Variants in SENP3 observed in about 807,000 individuals in gnomAD.
The protein encoded by SENP3 is sentrin-specific protease 3.
SENP3 carries 11 observed loss-of-function variants against 66.2 expected under a neutral mutation model. The observed-to-expected ratio is 0.17, with a 90% CI of 0.10 to 0.28. The LOEUF (loss-of-function observed/expected upper bound fraction) is 0.28, where lower values mean the gene tolerates loss of function less well. SENP3 is among the 10% of genes least tolerant of loss of function. The pLI, the probability that SENP3 is intolerant of heterozygous loss-of-function variation, is 1.00. For missense variants in SENP3, 548 were observed against 743.7 expected (o/e 0.74, Z 3.06); for synonymous variants, 292 against 277.6 (o/e 1.05, Z -0.52).
intron 4 of SENP3, 42 bp downstream of exon 4, chr17:7,565,112 T>C: frequency 7.1e-7 from 1 of 1,408,974 alleles, no homozygotes; most frequent in Non-Finnish European, 1.0e-6. Context: ...GCTGGGGCCT[T>C]GGGGATGTGG....
rs754869420 is a variant in SENP3 at position 7,571,356 on chromosome 17, G to C, written c.1615-17G>C. On this transcript the variant is annotated splice_polypyrimidine_tract_variant and intron_variant, in intron 10 of 10. Coordinates refer to ENST00000321337, the MANE Select transcript of SENP3 (RefSeq NM_015670.6). Reference sequence around the variant, plus strand: ...TGACACGGGGGGTTTCTCATGGCTTGCTTTGTTAACACCCAGTACTGCAAG... The same window carrying C: ...TGACACGGGGGGTTTCTCATGGCTTCCTTTGTTAACACCCAGTACTGCAAG... The C allele has an allele frequency of 6.3e-7, 1 of 1,594,542 alleles. No homozygotes were observed. The highest frequency in any genetic ancestry group is 1.3e-5 in the African/African-American group (1 of 74,458).
chr17:7,567,703 G>C (rs925422917), intron 7 of SENP3, among the ~76,000 whole-genome samples: 1 of 152,134 alleles, frequency 6.6e-6, no homozygotes, highest in Non-Finnish European at 1.5e-5. Flanking sequence ...GAGGGCTTGT[G>C]GGGGTGACCT....
chr17:7,567,855 G>A (rs1221905363), intron 7 of SENP3, among the ~76,000 whole-genome samples: 1 of 152,166 alleles, frequency 6.6e-6, no homozygotes, highest in Non-Finnish European at 1.5e-5. Context: ...TAAGCAGGCT[G>A]AGAAGTGCCT....
rs1402345673 is a variant in SENP3, at chr17:7,563,300, G to A, written c.224G>A (p.Ser75Asn). The change falls in exon 2 of 11, where the codon AGT becomes AAT. Residue 75 changes from serine (S) to asparagine (N), a missense_variant. This residue lies in a region of SENP3 where 164 missense variants were observed against 167.9 expected (regional missense o/e 0.98). Transcript: ENST00000321337. ...VPRPSFDASA[S>N]EEEEEEEEEE... ...CGACCCTCTTTTGATGCCTCAGCAA[G>A]TGAAGAGGAGGAAGAAGAGGAGGAG... is the stretch of plus-strand genomic sequence containing the variant. The A allele has an allele frequency of 1.9e-6, 3 of 1,553,154 alleles. No homozygotes were observed. The highest frequency in any genetic ancestry group is 1.7e-4 in the Middle Eastern group (1 of 5,996).
In SENP3 at chr17:7,570,543, C is replaced by T; in HGVS notation, c.1479+50C>T. Reference sequence around the variant, plus strand: ...GGCAAAATGTGGGGCGGTGCAGTGGCAAGGCATTGCAGGAAGAAGGGTGGG... The same window carrying T: ...GGCAAAATGTGGGGCGGTGCAGTGGTAAGGCATTGCAGGAAGAAGGGTGGG... On this transcript the variant is annotated intron_variant, in intron 8 of 10. Transcript: ENST00000321337. This position sits in a 1 kb window ranked among gnomAD's most constrained non-coding sequence, Gnocchi z 5.4. The T allele has an allele frequency of 6.3e-7, 1 of 1,589,814 alleles. No individual in the cohort carries two copies.
intron 10 of SENP3, 141 bp from the exon 11 acceptor site, chr17:7,571,232 G>A (rs1381057317): frequency 1.6e-6 from 1 of 641,622 alleles, no homozygotes; most frequent in African/African-American, 1.8e-5. Context: ...TTTAGAGTCA[G>A]GCTGTTTTTG....
intron 6 of SENP3, 162 bp downstream of exon 6, chr17:7,565,926 C>A: frequency 1.6e-6 from 1 of 623,226 alleles, no homozygotes. Context: ...ATCTTGGGCT[C>A]TGGATTTATC....
In SENP3 at chr17:7,570,479, C is replaced by T. The variant is rs377210008; in HGVS notation, c.1465C>T (p.Arg489Cys). 13 of 1,612,872 alleles carry T rather than the reference C, an allele frequency of 8.1e-6. No individual in the cohort carries two copies. Among genetic ancestry groups the T allele is most frequent in the South Asian group, 5.5e-5 (5 of 91,052 alleles). The part of the protein sequence containing the change: ...TYFDSQRTLN[R>C]RCPKHIAKYL... The stretch of plus-strand genomic sequence containing the variant: ...TTTTGACTCGCAGCGTACCCTAAAC[C>T]GCCGCTGCCCTAAGGTTTGAGGGGG... The change falls in exon 8 of 11, where the codon CGC becomes TGC. Residue 489 changes from arginine to cysteine, a missense_variant. Arg to Cys is a radical substitution (Grantham distance 180). This residue lies in a region of SENP3 where 81 missense variants were observed against 139.8 expected (regional missense o/e 0.58). Transcript: ENST00000321337. The surrounding 1 kb of genome is among the most constrained non-coding windows in gnomAD (Gnocchi z 5.4).
rs753586901 is a variant in SENP3 at position 7,563,637 on chromosome 17, C to G, written c.561C>G (p.Asp187Glu). Reference protein sequence around the residue: ...PQVPSPCCRFDSPRGPPPPRL... With the variant: ...PQVPSPCCRFESPRGPPPPRL... ...TGCCATCCCCCTGTTGTCGTTTTGA[C>G]TCCCCCCGGGGGCCACCTCCACCCC... Residue 187 changes from aspartate (D) to glutamate (E), a missense_variant, in exon 2 of 11, where the codon GAC (aspartate) becomes GAG (glutamate). By Grantham distance (45) the Asp-to-Glu change is conservative (BLOSUM62 2). Coordinates refer to ENST00000321337, the MANE Select transcript of SENP3 (RefSeq NM_015670.6). 2.5e-6 allele frequency: 4 copies of G among 1,605,214 alleles called. No homozygotes were observed. The highest frequency in any genetic ancestry group is 3.4e-6 in the Non-Finnish European group (4 of 1,176,408).
intron 7 of SENP3, among the ~76,000 whole-genome samples, chr17:7,568,631 C>G (rs1395288773): frequency 6.6e-6 from 1 of 152,060 alleles, no homozygotes; most frequent in East Asian, 1.9e-4. Flanking sequence ...TGGAGACATT[C>G]TAGATAGCTG....
At position 7,570,538 on chromosome 17, in the gene SENP3, A is replaced by C. The variant is rs1269295809; in HGVS notation, c.1479+45A>C. On this transcript the variant is annotated intron_variant, in intron 8 of 10. Coordinates refer to ENST00000321337, the MANE Select transcript of SENP3 (RefSeq NM_015670.6). This position sits in a 1 kb window ranked among gnomAD's most constrained non-coding sequence, Gnocchi z 5.4. ...AGATGGGCAAAATGTGGGGCGGTGC[A>C]GTGGCAAGGCATTGCAGGAAGAAGG... is the stretch of plus-strand genomic sequence containing the variant. The C allele has an allele frequency of 1.3e-6, 2 of 1,595,690 alleles. No homozygotes were observed. Among genetic ancestry groups the C allele is most frequent in the South Asian group, 2.2e-5 (2 of 89,710 alleles).
Position 7,566,922 on chromosome 17 carries a change from C to T in SENP3, c.1264-5C>T, listed in dbSNP as rs1473103256. 1.3e-6 allele frequency: 2 copies of T among 1,554,820 alleles called. No individual in the cohort carries two copies. The highest frequency in any genetic ancestry group is 2.4e-5 in the East Asian group (1 of 41,978). On this transcript the variant is annotated splice_polypyrimidine_tract_variant and splice_region_variant and intron_variant, in intron 6 of 10. Coordinates refer to ENST00000321337, the MANE Select transcript of SENP3 (RefSeq NM_015670.6). Reference sequence around the variant, plus strand: ...CCATTGAGCTTTTTTGTGTCATTGGCACAGGTGCATTTCTTCAATAGTTTC... The same window carrying T: ...CCATTGAGCTTTTTTGTGTCATTGGTACAGGTGCATTTCTTCAATAGTTTC...
intron 6 of SENP3, among the ~76,000 whole-genome samples, chr17:7,566,659 C>A (rs1331892434): frequency 7.8e-6 from 1 of 127,696 alleles, no homozygotes; most frequent in African/African-American, 2.9e-5. Context: ...GAGCAAGGCC[C>A]TGCCTCAAAT....
At chr17:7,567,704 G>A (rs936965222) in intron 7 of SENP3, among the ~76,000 whole-genome samples, 2 of 152,110 alleles carry the variant, frequency 1.3e-5, no homozygotes, top group Non-Finnish European at 2.9e-5. Context: ...AGGGCTTGTG[G>A]GGGTGACCTG....
At chr17:7,568,238 C>CA (rs967459992) in intron 7 of SENP3, among the ~76,000 whole-genome samples, 2 of 151,412 alleles carry the variant, frequency 1.3e-5, no homozygotes, top group African/African-American at 2.4e-5. Flanking sequence ...GGAATGGGGC[C>CA]AAAGGTTAAG....
chr17:7,571,525 A>ACTCC lies in SENP3; in HGVS notation c.*43_*44insTCCC. 2 of 1,386,910 alleles carry ACTCC rather than the reference A, an allele frequency of 1.4e-6. No individual in the cohort carries two copies. Among genetic ancestry groups the ACTCC allele is most frequent in the Non-Finnish European group, 2.0e-6 (2 of 976,478 alleles). 85.9% of individuals were successfully genotyped at this position (1,386,910 alleles called of 1,614,324 possible). On this transcript the variant is annotated 3_prime_UTR_variant, in exon 11 of 11. Coordinates refer to ENST00000321337, the MANE Select transcript of SENP3 (RefSeq NM_015670.6). ...CCCAAGCCCATAAATGGGAAGGGAGACATGGGAGTCCCTTCCCAAGAAACT... is the reference window on the plus strand; with the variant it reads ...CCCAAGCCCATAAATGGGAAGGGAGACTCCCATGGGAGTCCCTTCCCAAGAAACT...
At chr17:7,564,558 G>A (rs1205281637) in intron 2 of SENP3, 67 bp from the exon 3 acceptor site, 1 of 1,591,628 alleles carries the variant, frequency 6.3e-7, no homozygotes, top group Non-Finnish European at 8.6e-7. Context: ...TGAGTCAACT[G>A]TGTGCATCCC....
Position 7,565,305 on chromosome 17 carries a change from G to A in SENP3, c.1068-135G>A, listed in dbSNP as rs994173708. On this transcript the variant is annotated intron_variant, in intron 4 of 10. Transcript: ENST00000321337. The stretch of plus-strand genomic sequence containing the variant: ...TATCTTTCTGGGGAGTGGGCCTTTC[G>A]CAGGTCCTCAGAAGGACCCATCATG... 2.5e-4 allele frequency: 269 copies of A among 1,060,660 alleles called. No homozygotes were observed. In the African/African-American group the frequency reaches 3.7e-3, roughly 15 times the overall value. The allele number at this position is 1,060,660 out of a possible 1,614,324, so 65.7% of individuals were successfully genotyped here. A position where few individuals can be genotyped will look rare whatever the true frequency, so the allele number is the denominator to read the frequency against.
Position 7,570,228 on chromosome 17 carries a change from T to C in SENP3, c.1342-128T>C, listed in dbSNP as rs1443623519. On this transcript the variant is annotated intron_variant, in intron 7 of 10. Transcript: ENST00000321337. This position sits in a 1 kb window ranked among gnomAD's most constrained non-coding sequence, Gnocchi z 5.4. ...ATGCAGATCCTGAGCTTGCCCACAA[T>C]CTAGGCCTTGGGTCTTCTGTTCTTT... is the stretch of plus-strand genomic sequence containing the variant. 2.5e-6 allele frequency: 3 copies of C among 1,191,102 alleles called. No homozygotes were observed. The highest frequency in any genetic ancestry group is 3.6e-6 in the Non-Finnish European group (3 of 841,498). 73.8% of individuals were successfully genotyped at this position (1,191,102 alleles called of 1,614,324 possible). A position where few individuals can be genotyped will look rare whatever the true frequency, so the allele number is the denominator to read the frequency against.
Sources: allele counts gnomAD v4.1 joint callset (sites outside exome capture counted in the v4.1 genomes callset), GRCh38; gene constraint gnomAD v4.1.1; regional missense constraint gnomAD v4.1.1; non-coding constraint Gnocchi (gnomAD v3.1); transcripts MANE v1.5; gene names NCBI Gene and HGNC (gene_info 2026-07-23, HGNC 2026-07-21).